LMBR1: variants seen among roughly 807,000 people sequenced by gnomAD.
LMBR1 encodes limb region 1 protein homolog.
A neutral mutation model predicts 73.9 loss-of-function variants in LMBR1; 52 were observed. The ratio of observed to expected loss-of-function variants is 0.70; its 90% CI spans 0.56 to 0.89. The LOEUF (loss-of-function observed/expected upper bound fraction) is 0.89. LMBR1 is among the 40% of genes least tolerant of loss of function. LMBR1 has a pLI of 0.00. For synonymous variants in LMBR1, 215 were observed against 209.4 expected (o/e 1.03, Z -0.23); for missense variants, 539 against 579.8 (o/e 0.93, Z 0.72).
chr7:156,771,962 TAAAC>T (rs1476914077), intron 5 of LMBR1, among the ~76,000 whole-genome samples: 10 of 152,140 alleles, frequency 6.6e-5, no homozygotes, highest in Admixed American at 1.3e-4. Context: ...ATTCATCAAA[TAAAC>T]AAAACTAAAA....
At chr7:156,849,069 G>A (rs1174890863) in intron 1 of LMBR1, among the ~76,000 whole-genome samples, 2 of 152,000 alleles carry the variant, frequency 1.3e-5, no homozygotes, top group African/African-American at 4.8e-5. Flanking sequence ...ATATTCTTCA[G>A]AGCACTATTC....
chr7:156,737,358 T>A lies in LMBR1; in HGVS notation c.758-3101A>T, dbSNP rs1818070842. ...CTTTTTGAATGTGAGCTGCTTGTCA[T>A]TTCCCTTTTAAACTATGTAGGATCT... On this transcript the variant is annotated intron_variant, in intron 9 of 16. Coordinates refer to ENST00000353442, the MANE Select transcript of LMBR1 (RefSeq NM_022458.4). Among the ~76,000 whole-genome samples the A allele has an allele frequency of 2.6e-5, 4 of 152,326 alleles. No homozygotes were observed. The South Asian group carries it at 8.3e-4, about 32-fold the overall frequency.
chr7:156,675,681 C>CCTTCGGGT, downstream of LMBR1: 1 of 1,600,766 alleles, frequency 6.2e-7, no homozygotes, highest in Non-Finnish European at 8.6e-7. Context: ...TTACCCGCCC[C>CCTTCGGGT]CGCCTCCTCC....
Position 156,734,223 on chromosome 7 carries a change from C to T in LMBR1, c.792G>A (p.Glu264=), listed in dbSNP as rs781607135. ...TTACATTTTCAAGTTCTTGTTCCAA[C>T]TCCATTATGTTGTATTCCACCGATG... The part of the protein sequence containing the change: ...LSSSVEYNIM[E]LEQELENVKT... The change falls in exon 10 of 17, where the codon GAG becomes GAA. Residue 264 remains glutamate, a synonymous_variant. Transcript: ENST00000353442. The T allele has an allele frequency of 1.4e-5, 22 of 1,609,154 alleles. No individual in the cohort carries two copies. The African/African-American group carries it at 2.1e-4, about 16-fold the overall frequency.
chr7:156,735,023 A>C (rs1458357550), intron 9 of LMBR1, among the ~76,000 whole-genome samples: 7 of 152,228 alleles, frequency 4.6e-5, no homozygotes, highest in Non-Finnish European at 8.8e-5. Flanking sequence ...CTACAACTTT[A>C]TTCCCTTTAC....
intron 15 of LMBR1, among the ~76,000 whole-genome samples, chr7:156,700,292 A>G (rs529099676): frequency 6.6e-6 from 1 of 152,280 alleles, no homozygotes; most frequent in East Asian, 1.9e-4. Flanking sequence ...TATTGCAAGG[A>G]CAAAAAACCA....
chr7:156,750,076 G>A (rs1358211637), intron 9 of LMBR1, among the ~76,000 whole-genome samples: 1 of 152,082 alleles, frequency 6.6e-6, no homozygotes, highest in African/African-American at 2.4e-5. Flanking sequence ...AAACTGAGTT[G>A]AATTATTAAG....
intron 1 of LMBR1, among the ~76,000 whole-genome samples, chr7:156,858,986 G>A (rs1490897646): frequency 1.3e-5 from 2 of 152,148 alleles, no homozygotes; most frequent in Non-Finnish European, 2.9e-5. Context: ...GGGCACGGTG[G>A]CTCAGACCTG....
At chr7:156,891,190 CAAAAAA>C (rs58107543) in intron 1 of LMBR1, among the ~76,000 whole-genome samples, 4 of 20,672 alleles carry the variant, frequency 1.9e-4, no homozygotes, top group African/African-American at 8.8e-4. Context: ...GACTCCATCA[CAAAAAA>C]AAAAAAAAAA....
At chr7:156,692,308 C>T (rs1585209133) in intron 15 of LMBR1, among the ~76,000 whole-genome samples, 1 of 152,156 alleles carries the variant, frequency 6.6e-6, no homozygotes, top group Middle Eastern at 3.2e-3. Context: ...AACTCCTGAC[C>T]TCAGATGATC....
chr7:156,806,597 GCTTT>G (rs1832142785), intron 4 of LMBR1, among the ~76,000 whole-genome samples: 4 of 72,296 alleles, frequency 5.5e-5, no homozygotes, highest in African/African-American at 5.9e-5. Flanking sequence ...TTTTGTAGAT[GCTTT>G]TTTTTTTTTT....
chr7:156,749,375 T>C (rs1820419258), intron 9 of LMBR1, among the ~76,000 whole-genome samples: 2 of 152,336 alleles, frequency 1.3e-5, no homozygotes, highest in Admixed American at 1.3e-4. Flanking sequence ...TACTCTGAGA[T>C]AGTCTAAAGA....
At chr7:156,866,563 C>T (rs769541403) in intron 1 of LMBR1, among the ~76,000 whole-genome samples, 33 of 149,618 alleles carry the variant, frequency 2.2e-4, no homozygotes, top group Non-Finnish European at 7.4e-5. Flanking sequence ...ATGACTAAGA[C>T]ATGTAGGACA....
intron 2 of LMBR1, among the ~76,000 whole-genome samples, chr7:156,834,141 T>C (rs1440317828): frequency 1.3e-5 from 2 of 152,222 alleles, no homozygotes; most frequent in East Asian, 1.9e-4. Context: ...TAAAATTTTC[T>C]GGGTGATAAC....
chr7:156,754,090 G>C (rs961371547), intron 9 of LMBR1, among the ~76,000 whole-genome samples: 3 of 152,200 alleles, frequency 2.0e-5, no homozygotes, highest in East Asian at 1.9e-4. Flanking sequence ...AAAGGGTAGA[G>C]AGCAGCTGAT....
At chr7:156,768,489 C>T (rs1357316374) in intron 5 of LMBR1, among the ~76,000 whole-genome samples, 1 of 152,172 alleles carries the variant, frequency 6.6e-6, no homozygotes, top group Non-Finnish European at 1.5e-5. Context: ...AAGTATGCCT[C>T]CATTGTGATG....
At chr7:156,892,846 CG>C (rs766816636) in intron 1 of LMBR1, 81 bp downstream of exon 1, 1 of 685,690 alleles carries the variant, frequency 1.5e-6, no homozygotes, top group East Asian at 4.1e-5. Flanking sequence ...GTGAGGGGTC[CG>C]GGGACCGGGG....
rs764355956 is a variant in LMBR1, at chr7:156,836,897, C to A, written c.67-12G>T. ...AGAAGGAAACATATCTGAAACAAAACGAAGTTAACAGATCATTTACTTTTT... is the reference window on the plus strand; with the variant it reads ...AGAAGGAAACATATCTGAAACAAAAAGAAGTTAACAGATCATTTACTTTTT... On this transcript the variant is annotated splice_polypyrimidine_tract_variant and intron_variant, in intron 1 of 16. Transcript: ENST00000353442. The A allele has an allele frequency of 5.9e-6, 9 of 1,527,852 alleles. No individual in the cohort carries two copies. The highest frequency in any genetic ancestry group is 8.0e-6 in the Non-Finnish European group (9 of 1,124,084). 94.6% of individuals were successfully genotyped at this position (1,527,852 alleles called of 1,614,324 possible).
chr7:156,675,854 C>A (rs147603822), downstream of LMBR1: 9 of 1,613,360 alleles, frequency 5.6e-6, no homozygotes, highest in African/African-American at 9.3e-5. Context: ...GGGAGAAAAT[C>A]CAAGTGCAGG....
Sources: allele counts gnomAD v4.1 joint callset (sites outside exome capture counted in the v4.1 genomes callset), GRCh38; gene constraint gnomAD v4.1.1; transcripts MANE v1.5; gene names NCBI Gene and HGNC (gene_info 2026-07-23, HGNC 2026-07-21).